Variants in MGAT4C observed in about 807,000 individuals in gnomAD.
The protein encoded by MGAT4C is alpha-1,3-mannosyl-glycoprotein 4-beta-N-acetylglucosaminyltransferase C.
In MGAT4C, 19 loss-of-function variants were observed where a neutral mutation model predicts 40.1. The observed-to-expected ratio is 0.47, with a 90% confidence interval of 0.33 to 0.70. The LOEUF (loss-of-function observed/expected upper bound fraction) is 0.70. Among genes scored for constraint, MGAT4C ranks in the 30% least tolerant of loss-of-function variants. The pLI is 0.02. For synonymous variants in MGAT4C, 181 were observed against 187.1 expected, an observed-to-expected ratio of 0.97 and a Z score of 0.27; for missense variants, 491 against 563.2, an observed-to-expected ratio of 0.87 and a Z score of 1.30.
At chr12:86,442,162 A>G (rs1367143456) in intron 2 of MGAT4C, among the ~76,000 whole-genome samples, 1 of 152,118 alleles carries the variant, frequency 6.6e-6, no homozygotes, top group Non-Finnish European at 1.5e-5. Flanking sequence ...GTGTCTGTTC[A>G]TATCCTTTGC....
At chr12:86,472,610 T>C (rs1957772025) in intron 2 of MGAT4C, among the ~76,000 whole-genome samples, 1 of 152,182 alleles carries the variant, frequency 6.6e-6, no homozygotes, top group South Asian at 2.1e-4. Context: ...AGATTTTTTT[T>C]CTTCTAGCTT....
At chr12:86,760,349 T>C (rs1345328115) in intron 1 of MGAT4C, among the ~76,000 whole-genome samples, 5 of 152,098 alleles carry the variant, frequency 3.3e-5, no homozygotes, top group African/African-American at 4.8e-5. Flanking sequence ...TCCATGACAC[T>C]GACTTAGGCA....
intron 1 of MGAT4C, among the ~76,000 whole-genome samples, chr12:86,248,194 T>TATTCCTTC (rs1952114775): frequency 7.1e-6 from 1 of 140,318 alleles, no homozygotes; most frequent in Non-Finnish European, 1.5e-5. Flanking sequence ...ACCTAGTTTC[T>TATTCCTTC]CTTCCTTCCT....
At position 86,686,781 on chromosome 12, in the gene MGAT4C, C is replaced by T. The variant is rs141301792; in HGVS notation, c.-229+40428G>A. On this transcript the variant is annotated intron_variant, in intron 2 of 7. Coordinates refer to the MGAT4C transcript ENST00000548651. Reference sequence around the variant, plus strand: ...TTCACATTGATCTTCATCGGAGATACTGGCCTGAATTTTTCTCTTTTTGTT... The same window carrying T: ...TTCACATTGATCTTCATCGGAGATATTGGCCTGAATTTTTCTCTTTTTGTT... 8.7e-3 allele frequency among the ~76,000 whole-genome samples: 1,319 copies of T among 152,246 alleles called. 7 individuals carry two copies. Among genetic ancestry groups the T allele is most frequent in the Middle Eastern group, 0.017 (5 of 294 alleles).
At chr12:86,715,459 G>T (rs1409842630) in intron 2 of MGAT4C, among the ~76,000 whole-genome samples, 2 of 152,016 alleles carry the variant, frequency 1.3e-5, no homozygotes, top group Non-Finnish European at 2.9e-5. Flanking sequence ...TGGTGTTTGT[G>T]CAAACTACCA....
At chr12:86,009,314 T>C (rs945246774) in intron 2 of MGAT4C, among the ~76,000 whole-genome samples, 3 of 152,240 alleles carry the variant, frequency 2.0e-5, no homozygotes, top group Non-Finnish European at 2.9e-5. Flanking sequence ...GATTCTTTAG[T>C]AGCCTTGAAT....
chr12:86,518,271 G>A (rs942359082), intron 2 of MGAT4C, among the ~76,000 whole-genome samples: 1 of 152,066 alleles, frequency 6.6e-6, no homozygotes, highest in East Asian at 1.9e-4. Context: ...AAACTACTAA[G>A]AAAATACAAA....
intron 1 of MGAT4C, among the ~76,000 whole-genome samples, chr12:86,244,814 C>T (rs995994986): frequency 3.3e-5 from 5 of 152,188 alleles, no homozygotes; most frequent in Non-Finnish European, 7.4e-5. Context: ...ACAGAAAGAA[C>T]ATGTGCCAAT....
chr12:86,565,153 T>C (rs1960036467), intron 2 of MGAT4C, among the ~76,000 whole-genome samples: 1 of 152,158 alleles, frequency 6.6e-6, no homozygotes, highest in African/African-American at 2.4e-5. Flanking sequence ...AAGTGGGTGC[T>C]TTCTGTCCCA....
At chr12:86,645,881 G>A (rs1963527844) in intron 2 of MGAT4C, among the ~76,000 whole-genome samples, 1 of 151,428 alleles carries the variant, frequency 6.6e-6, no homozygotes, top group South Asian at 2.1e-4. Context: ...CATGCTCCTT[G>A]GCACTATTCT....
intron 2 of MGAT4C, among the ~76,000 whole-genome samples, chr12:86,544,704 TG>T (rs1195636486): frequency 6.6e-6 from 1 of 152,040 alleles, no homozygotes; most frequent in African/African-American, 2.4e-5. Flanking sequence ...CATTGTACTG[TG>T]GAACAGGGAA....
At chr12:86,024,908 GT>G (rs920642537) in intron 2 of MGAT4C, among the ~76,000 whole-genome samples, 11 of 148,390 alleles carry the variant, frequency 7.4e-5, no homozygotes, top group South Asian at 2.1e-4. Flanking sequence ...ACCCGAACTA[GT>G]TTTTTTTTTC....
intron 1 of MGAT4C, among the ~76,000 whole-genome samples, chr12:86,807,565 G>T (rs550267108): frequency 9.9e-5 from 15 of 152,170 alleles, no homozygotes; most frequent in African/African-American, 3.4e-4. Context: ...TTGCTATTGT[G>T]AATAGCGCTG....
intron 2 of MGAT4C, among the ~76,000 whole-genome samples, chr12:86,528,468 A>G (rs1378447195): frequency 1.3e-5 from 2 of 152,036 alleles, no homozygotes; most frequent in African/African-American, 4.8e-5. Flanking sequence ...TCTTCTTCCT[A>G]TGTACTTAGG....
chr12:86,755,322 A>T (rs988307425), intron 1 of MGAT4C, among the ~76,000 whole-genome samples: 6 of 152,180 alleles, frequency 3.9e-5, no homozygotes, highest in Admixed American at 3.3e-4. Context: ...TACAATAAAT[A>T]TTGTAATATG....
intron 2 of MGAT4C, among the ~76,000 whole-genome samples, chr12:86,627,261 C>T (rs972667538): frequency 2.0e-5 from 3 of 152,194 alleles, no homozygotes; most frequent in African/African-American, 7.2e-5. Flanking sequence ...GCGAGGCTCA[C>T]CTGCCTCTGT....
At chr12:86,084,195 G>A (rs1002217476) in intron 1 of MGAT4C, among the ~76,000 whole-genome samples, 4 of 152,172 alleles carry the variant, frequency 2.6e-5, no homozygotes, top group Non-Finnish European at 4.4e-5. Context: ...TAACTCTAAT[G>A]TCAGGTAGTG....
At chr12:86,288,458 T>C (rs1405769293) in intron 4 of MGAT4C, among the ~76,000 whole-genome samples, 1 of 152,190 alleles carries the variant, frequency 6.6e-6, no homozygotes, top group Non-Finnish European at 1.5e-5. Context: ...TAGGTTTTTT[T>C]CTAGGGTTTT....
chr12:86,476,890 T>C (rs917339797), intron 2 of MGAT4C, among the ~76,000 whole-genome samples: 1 of 151,944 alleles, frequency 6.6e-6, no homozygotes, highest in Non-Finnish European at 1.5e-5. Context: ...GACTGATGAA[T>C]ATAAAGATGT....
Sources: allele counts gnomAD v4.1 joint callset (sites outside exome capture counted in the v4.1 genomes callset), GRCh38; gene constraint gnomAD v4.1.1; transcripts MANE v1.5; gene names NCBI Gene and HGNC (gene_info 2026-07-23, HGNC 2026-07-21).